Variants in PCDHA4 observed in about 807,000 individuals in gnomAD.
PCDHA4 encodes the protein protocadherin alpha-4.
A neutral mutation model predicts 61.4 loss-of-function variants in PCDHA4; 49 were observed. That is an observed-to-expected ratio of 0.80 (90% CI 0.63 to 1.01). The LOEUF is 1.01. Ranked by LOEUF, PCDHA4 falls within the 50% of genes least tolerant of loss-of-function variation. The probability of loss-of-function intolerance (pLI) is 0.00; values close to 1 mark genes in which losing one functional copy is unlikely to be tolerated. For synonymous variants in PCDHA4, 590 were observed against 550.3 expected, an observed-to-expected ratio of 1.07 and a Z score of -1.01; for missense variants, 1,254 against 1,235.8, an observed-to-expected ratio of 1.01 and a Z score of -0.22.
chr5:140,915,832 A>T (rs1297251550), intron 1 of PCDHA4, among the ~76,000 whole-genome samples: 1 of 152,084 alleles, frequency 6.6e-6, no homozygotes, highest in Non-Finnish European at 1.5e-5. Context: ...GGGCTCTAAG[A>T]TCAGCAGGGG....
chr5:140,898,161 T>G (rs1208656854), intron 1 of PCDHA4, among the ~76,000 whole-genome samples: 1 of 152,216 alleles, frequency 6.6e-6, no homozygotes, highest in Non-Finnish European at 1.5e-5. Context: ...CTGATGGTGG[T>G]TTCTTTTGCT....
chr5:140,885,410 G>A (rs1203684049), intron 1 of PCDHA4, among the ~76,000 whole-genome samples: 3 of 152,088 alleles, frequency 2.0e-5, no homozygotes, highest in Non-Finnish European at 4.4e-5. Flanking sequence ...TTTAATAGCT[G>A]TGTAGTATTC....
At chr5:140,963,523 A>T (rs2095769740) in intron 1 of PCDHA4, among the ~76,000 whole-genome samples, 1 of 152,218 alleles carries the variant, frequency 6.6e-6, no homozygotes. Flanking sequence ...CTCATAACAG[A>T]AGTCCCATTT....
intron 1 of PCDHA4, chr5:140,857,810 C>T (rs1411794040): frequency 1.9e-6 from 3 of 1,597,674 alleles, no homozygotes; most frequent in Non-Finnish European, 2.6e-6. Context: ...GGTTGCGGGT[C>T]ACGTGGTGGC....
intron 1 of PCDHA4, chr5:140,851,487 C>A: frequency 2.2e-6 from 2 of 889,094 alleles, no homozygotes; most frequent in Non-Finnish European, 1.4e-6. Flanking sequence ...TAAACACAGC[C>A]TTCATTTCAA....
chr5:140,913,471 C>G (rs2076351409), intron 1 of PCDHA4, among the ~76,000 whole-genome samples: 1 of 152,010 alleles, frequency 6.6e-6, no homozygotes, highest in South Asian at 2.1e-4. Context: ...TGGGTCTTCT[C>G]TCTTTTTTTC....
chr5:140,861,449 C>A (rs1448075777), intron 1 of PCDHA4: 11 of 493,904 alleles, frequency 2.2e-5, no homozygotes, highest in Admixed American at 1.0e-4. Flanking sequence ...GCCGCAGAAA[C>A]CTTCTGGAGG....
rs1581152641 is a variant in PCDHA4, at chr5:140,848,515, G to A, written c.2385+38943G>A. ...TTTGAAATGTTATACTCAAGTCGAG[G>A]AGATCCAGAGGGTCAGCCTCTACTG... On this transcript the variant is annotated intron_variant, in intron 1 of 3. Coordinates refer to ENST00000530339, the MANE Select transcript of PCDHA4 (RefSeq NM_018907.4). The A allele has an allele frequency of 1.9e-6, 3 of 1,590,864 alleles. No individual in the cohort carries two copies. In the African/African-American group the frequency reaches 4.0e-5, roughly 21 times the overall value.
chr5:140,868,999 T>A (rs976594778), intron 1 of PCDHA4: 72 of 1,518,578 alleles, frequency 4.7e-5, no homozygotes, highest in African/African-American at 4.5e-4. Flanking sequence ...CGTTTAAGGA[T>A]CCTTTGAAAC....
At chr5:140,925,114 G>T (rs1341892158) in intron 1 of PCDHA4, among the ~76,000 whole-genome samples, 2 of 151,122 alleles carry the variant, frequency 1.3e-5, no homozygotes, top group East Asian at 3.9e-4. Context: ...AGGAGGGAAG[G>T]AAGGAAGGAA....
intron 1 of PCDHA4, among the ~76,000 whole-genome samples, chr5:140,978,640 G>T (rs1339340351): frequency 6.6e-6 from 1 of 152,252 alleles, no homozygotes; most frequent in African/African-American, 2.4e-5. Flanking sequence ...TCTCAAAGCA[G>T]ACTGTTCTTC....
intron 1 of PCDHA4, chr5:140,841,898 G>A: frequency 1.9e-6 from 3 of 1,613,824 alleles, no homozygotes; most frequent in African/African-American, 1.3e-5. Context: ...TAAACTGGTT[G>A]AGCTCGTATT....
chr5:140,852,859 C>T, intron 1 of PCDHA4: 1 of 960,834 alleles, frequency 1.0e-6, no homozygotes. Context: ...TAAGCATTTA[C>T]TATGTCATCA....
At chr5:140,856,750 C>A in intron 1 of PCDHA4, 1 of 1,596,268 alleles carries the variant, frequency 6.3e-7, no homozygotes, top group South Asian at 1.1e-5. Context: ...TGTTAGATGC[C>A]AATGATAACG....
intron 1 of PCDHA4, among the ~76,000 whole-genome samples, chr5:140,916,255 C>G (rs1161014900): frequency 6.6e-6 from 1 of 152,144 alleles, no homozygotes. Context: ...ACTTGGGGAC[C>G]CCAAGAGCAT....
intron 1 of PCDHA4, chr5:140,851,191 T>C: frequency 8.2e-7 from 1 of 1,215,936 alleles, no homozygotes; most frequent in South Asian, 3.0e-5. Context: ...ACCAATTTAG[T>C]TGTTAGTCAT....
chr5:140,842,069 A>C (rs2150328859), intron 1 of PCDHA4: 5 of 1,613,784 alleles, frequency 3.1e-6, no homozygotes, highest in Non-Finnish European at 4.2e-6. Flanking sequence ...ATACGAAGTA[A>C]GAATATTCGA....
At chr5:140,821,538 C>G (rs966237749) in intron 1 of PCDHA4, 2 of 468,182 alleles carry the variant, frequency 4.3e-6, no homozygotes, top group Non-Finnish European at 7.4e-6. Context: ...AAAACACTTA[C>G]CCTTTCATCC....
intron 3 of PCDHA4, among the ~76,000 whole-genome samples, chr5:141,003,770 T>A (rs1365152633): frequency 6.6e-6 from 1 of 152,246 alleles, no homozygotes; most frequent in East Asian, 1.9e-4. Flanking sequence ...TCGTATTCTG[T>A]TAAATAAACT....
Sources: gnomAD v4.1 joint callset for allele counts (sites outside exome capture counted in the v4.1 genomes callset) on GRCh38, gnomAD v4.1.1 for gene constraint, MANE v1.5 for transcripts, NCBI Gene and HGNC (gene_info 2026-07-23, HGNC 2026-07-21) for gene names.